Variants in PCDHA7 observed in about 807,000 individuals in gnomAD.
PCDHA7 encodes protocadherin alpha 7.
Under a neutral mutation model 57.2 loss-of-function variants are expected in PCDHA7, and 37 were observed. That is an observed-to-expected ratio of 0.65 (90% CI 0.50 to 0.85). PCDHA7 has a LOEUF of 0.85. Among genes scored for constraint, PCDHA7 ranks in the 40% least tolerant of loss-of-function variants. PCDHA7 has a pLI of 0.00. For missense variants in PCDHA7, 1,188 were observed against 1,241.8 expected (o/e 0.96, Z 0.65); for synonymous variants, 553 against 558.8 (o/e 0.99, Z 0.15).
intron 3 of PCDHA7, among the ~76,000 whole-genome samples, chr5:141,000,423 T>TC (rs2097932931): frequency 9.0e-5 from 6 of 66,856 alleles, no homozygotes; most frequent in African/African-American, 3.6e-4. Flanking sequence ...ATATATATAT[T>TC]TTTTTTTTTT....
intron 1 of PCDHA7, chr5:140,875,367 T>C (rs937879067): frequency 6.9e-7 from 1 of 1,449,048 alleles, no homozygotes; most frequent in Non-Finnish European, 9.1e-7. Context: ...CTGGAAAAAA[T>C]TTACTAAATA....
At chr5:140,940,017 T>C (rs1418030283) in intron 1 of PCDHA7, among the ~76,000 whole-genome samples, 1 of 152,234 alleles carries the variant, frequency 6.6e-6, no homozygotes, top group Non-Finnish European at 1.5e-5. Flanking sequence ...TTTTGTGTCA[T>C]ATGTTTTAAG....
In PCDHA7 at chr5:140,836,331, C is replaced by A. The variant is rs2150258002; in HGVS notation, c.1948C>A (p.Leu650Ile). Residue 650 changes from leucine to isoleucine, a missense_variant, in exon 1 of 4, where the codon CTT (leucine) becomes ATT (isoleucine). By Grantham distance (5) the Leu-to-Ile change is conservative. Transcript: ENST00000525929. ...TDAPRHRLLV[L>I]VKDHGEPSLT... ...CGCACCGCGCCACCGCCTTCTGGTGCTTGTGAAGGACCACGGGGAGCCCTC... is the reference window on the plus strand; with the variant it reads ...CGCACCGCGCCACCGCCTTCTGGTGATTGTGAAGGACCACGGGGAGCCCTC... The A allele has an allele frequency of 2.5e-6, 4 of 1,613,758 alleles. No homozygotes were observed. The highest frequency in any genetic ancestry group is 1.1e-5 in the South Asian group (1 of 91,078).
intron 1 of PCDHA7, among the ~76,000 whole-genome samples, chr5:140,921,145 T>G (rs2080047732): frequency 4.1e-5 from 1 of 24,298 alleles, no homozygotes; most frequent in Admixed American, 5.4e-4. Flanking sequence ...TACACCCAGC[T>G]AATGCATTTT....
intron 1 of PCDHA7, among the ~76,000 whole-genome samples, chr5:140,953,746 A>G (rs2094931124): frequency 6.6e-6 from 1 of 152,016 alleles, no homozygotes; most frequent in African/African-American, 2.4e-5. Context: ...TTAACATTAC[A>G]TTTATCCAAG....
chr5:140,860,276 G>T (rs1399451611), intron 1 of PCDHA7: 2 of 151,942 alleles, frequency 1.3e-5, no homozygotes, highest in South Asian at 2.1e-4. Flanking sequence ...TGCTACTTGG[G>T]AGGGTGAGGT....
At chr5:140,865,393 T>C (rs1484152946) in intron 1 of PCDHA7, 1 of 152,180 alleles carries the variant, frequency 6.6e-6, no homozygotes, top group Admixed American at 6.5e-5. Flanking sequence ...AAAGTTAATA[T>C]AAATGCTGAA....
At chr5:140,979,078 A>G (rs2240296) in intron 2 of PCDHA7, 71 bp downstream of exon 2, 2 of 1,583,496 alleles carry the variant, frequency 1.3e-6, no homozygotes, top group East Asian at 4.5e-5. Flanking sequence ...CTGCATCTCC[A>G]TAGGCCAGAA....
intron 1 of PCDHA7, among the ~76,000 whole-genome samples, chr5:140,873,677 T>A (rs1358245351): frequency 6.6e-6 from 1 of 152,212 alleles, no homozygotes; most frequent in African/African-American, 2.4e-5. Flanking sequence ...TTGTTTCTTT[T>A]TGAGATAGAG....
rs1554244374 is a variant in PCDHA7 at position 140,982,509 on chromosome 5, GC to G, written c.2450del (p.Ala817ValfsTer85). ...VHLEEAGILR[A>X]GPGGPDQQWP... is the part of the protein sequence containing the mutation. ...CCTAGAGGAGGCTGGCATTCTACGGGCTGGTCCAGGAGGGCCTGATCAGCAG... is the reference window on the plus strand; with the variant it reads ...CCTAGAGGAGGCTGGCATTCTACGGGTGGTCCAGGAGGGCCTGATCAGCAG... On this transcript the variant is annotated frameshift_variant, in exon 3 of 4. Transcript: ENST00000525929. LOFTEE classifies it high-confidence loss of function. 6.2e-7 allele frequency: 1 copy of G among 1,614,206 alleles called. No homozygotes were observed. Among genetic ancestry groups the G allele is most frequent in the Non-Finnish European group, 8.5e-7 (1 of 1,180,032 alleles).
At chr5:140,990,862 AT>A (rs2097420167) in intron 3 of PCDHA7, among the ~76,000 whole-genome samples, 1 of 152,198 alleles carries the variant, frequency 6.6e-6, no homozygotes, top group Non-Finnish European at 1.5e-5. Flanking sequence ...AGGACATTGT[AT>A]TTTAAGTGTA....
chr5:141,007,366 CATG>C (rs1319534619), intron 3 of PCDHA7, among the ~76,000 whole-genome samples: 13 of 118,904 alleles, frequency 1.1e-4, no homozygotes, highest in Admixed American at 7.7e-4. Flanking sequence ...GCCTGGGCAA[CATG>C]ATGGAACACC....
At chr5:140,952,698 C>G (rs1020795237) in intron 1 of PCDHA7, among the ~76,000 whole-genome samples, 4 of 152,182 alleles carry the variant, frequency 2.6e-5, no homozygotes, top group Non-Finnish European at 4.4e-5. Context: ...ATAGCAATAT[C>G]CCACTCTCAG....
chr5:140,899,197 A>G (rs1300452676), intron 1 of PCDHA7, among the ~76,000 whole-genome samples: 2 of 152,018 alleles, frequency 1.3e-5, no homozygotes, highest in Admixed American at 6.6e-5. Context: ...TCTCCTGCCT[A>G]ATTGCCCTGG....
Position 141,003,903 on chromosome 5 carries a change from G to C in PCDHA7, c.2504-5724G>C, listed in dbSNP as rs150270772. Among the ~76,000 whole-genome samples, 254 of 152,194 alleles carry C rather than the reference G, an allele frequency of 1.7e-3. 1 individual carries two copies. Among genetic ancestry groups the C allele is most frequent in the Non-Finnish European group, 3.4e-3 (231 of 67,998 alleles). ...AGCCTCTTAACAGGCCCATTCATTT[G>C]GGTCTTGACTGCATCCTCAGTCTTG... On this transcript the variant is annotated intron_variant, in intron 3 of 3. Coordinates refer to ENST00000525929, the MANE Select transcript of PCDHA7 (RefSeq NM_018910.3).
intron 1 of PCDHA7, among the ~76,000 whole-genome samples, chr5:140,915,626 G>C (rs928151112): frequency 6.1e-5 from 9 of 146,436 alleles, no homozygotes; most frequent in East Asian, 4.1e-4. Flanking sequence ...GTCTCTTTCT[G>C]TCTCTCTCTC....
intron 1 of PCDHA7, among the ~76,000 whole-genome samples, chr5:140,957,165 A>C (rs2095338056): frequency 6.6e-6 from 1 of 152,190 alleles, no homozygotes; most frequent in African/African-American, 2.4e-5. Context: ...AAATCTAAGT[A>C]TATAAATTGG....
At chr5:140,876,483 G>C in intron 1 of PCDHA7, 1 of 1,614,004 alleles carries the variant, frequency 6.2e-7, no homozygotes, top group Non-Finnish European at 8.5e-7. Context: ...GCATGGTCCT[G>C]GTGGAAGTTC....
At chr5:140,882,048 C>T in intron 1 of PCDHA7, 1 of 745,800 alleles carries the variant, frequency 1.3e-6, no homozygotes, top group Non-Finnish European at 2.1e-6. Context: ...CTGAGTCATA[C>T]TTACACTTAC....
Sources: gnomAD v4.1 joint callset for allele counts (sites outside exome capture counted in the v4.1 genomes callset) on GRCh38, gnomAD v4.1.1 for gene constraint, MANE v1.5 for transcripts, NCBI Gene and HGNC (gene_info 2026-07-23, HGNC 2026-07-21) for gene names.